SLC30A8: variants seen among roughly 807,000 people sequenced by gnomAD.
The protein encoded by SLC30A8 is proton-coupled zinc antiporter SLC30A8.
SLC30A8 carries 27 observed loss-of-function variants against 36.9 expected under a neutral mutation model. The ratio of observed to expected loss-of-function variants is 0.73; its 90% CI spans 0.54 to 1.01. SLC30A8 has a LOEUF of 1.01. Ranked by LOEUF, SLC30A8 falls within the 50% of genes least tolerant of loss-of-function variation. The probability of loss-of-function intolerance (pLI) is 0.00; values close to 1 mark genes in which losing one functional copy is unlikely to be tolerated. For missense variants in SLC30A8, 439 were observed against 452.0 expected (o/e 0.97, Z 0.26); for synonymous variants, 164 against 172.4 (o/e 0.95, Z 0.38).
At chr8:117,138,828 T>C (rs1309911241) in intron 1 of SLC30A8, among the ~76,000 whole-genome samples, 1 of 152,014 alleles carries the variant, frequency 6.6e-6, no homozygotes, top group Non-Finnish European at 1.5e-5. Flanking sequence ...CTGTCTCTTC[T>C]GCCAGCTCTG....
intron 2 of SLC30A8, among the ~76,000 whole-genome samples, chr8:117,077,978 A>G (rs1161135760): frequency 1.3e-5 from 2 of 152,216 alleles, no homozygotes; most frequent in Non-Finnish European, 2.9e-5. Flanking sequence ...GAAGTTGGAT[A>G]TTAAGGACTC....
chr8:117,142,286 G>T (rs1406509753), intron 1 of SLC30A8, among the ~76,000 whole-genome samples: 2 of 152,014 alleles, frequency 1.3e-5, no homozygotes, highest in Non-Finnish European at 2.9e-5. Flanking sequence ...TCACCACGTG[G>T]GTCAAAGCCA....
chr8:117,135,229 T>G lies in SLC30A8; in HGVS notation c.-99T>G. Reference sequence around the variant, plus strand: ...TTCTGGAGCCTTTTAATTTTTTCTTTAGAAAGTGTATAAATAATTGCAGTG... The same window carrying G: ...TTCTGGAGCCTTTTAATTTTTTCTTGAGAAAGTGTATAAATAATTGCAGTG... On this transcript the variant is annotated 5_prime_UTR_variant, in exon 1 of 8. Coordinates refer to ENST00000456015, the MANE Select transcript of SLC30A8 (RefSeq NM_173851.3). 1.4e-6 allele frequency: 1 copy of G among 720,262 alleles called. No individual in the cohort carries two copies. Among genetic ancestry groups the G allele is most frequent in the Non-Finnish European group, 2.2e-6 (1 of 461,436 alleles). The allele number at this position is 720,262 out of a possible 1,614,324, so 44.6% of individuals were successfully genotyped here.
At chr8:116,978,831 C>G (rs1344945210) in intron 1 of SLC30A8, among the ~76,000 whole-genome samples, 1 of 152,150 alleles carries the variant, frequency 6.6e-6, no homozygotes, top group Non-Finnish European at 1.5e-5. Flanking sequence ...TATATATATG[C>G]ATATGCTCAC....
At chr8:117,158,148 A>G (rs960143612) in intron 4 of SLC30A8, among the ~76,000 whole-genome samples, 1 of 152,206 alleles carries the variant, frequency 6.6e-6, no homozygotes, top group African/African-American at 2.4e-5. Flanking sequence ...AGATTAGGAA[A>G]CTAAAGCCCA....
chr8:117,003,859 C>T (rs1383182998), intron 1 of SLC30A8, among the ~76,000 whole-genome samples: 1 of 152,192 alleles, frequency 6.6e-6, no homozygotes, highest in Non-Finnish European at 1.5e-5. Context: ...AACATTTTGA[C>T]ATCTCTGTCT....
upstream of SLC30A8, among the ~76,000 whole-genome samples, chr8:117,130,677 T>C (rs1054350252): frequency 2.0e-5 from 3 of 152,124 alleles, no homozygotes; most frequent in South Asian, 4.1e-4. Context: ...TTTGTAATCC[T>C]CTCTTGCCTT....
chr8:117,050,991 A>C (rs1437311773), intron 2 of SLC30A8, among the ~76,000 whole-genome samples: 1 of 152,188 alleles, frequency 6.6e-6, no homozygotes, highest in African/African-American at 2.4e-5. Context: ...GTTTCTAATA[A>C]CCACTTGTGG....
At chr8:117,110,192 A>G (rs1820163450) in intron 2 of SLC30A8, among the ~76,000 whole-genome samples, 1 of 152,072 alleles carries the variant, frequency 6.6e-6, no homozygotes, top group Admixed American at 6.6e-5. Flanking sequence ...GGCCCCAGAG[A>G]GAGGTATTGA....
Position 117,087,500 on chromosome 8 carries a change from A to G in SLC30A8, c.-225-47780A>G, listed in dbSNP as rs184278996. Reference sequence around the variant, plus strand: ...TTCAAGCAATTCTAGCTAAGCCTGTATGATATCATACTACCTTTCAAGCTG... The same window carrying G: ...TTCAAGCAATTCTAGCTAAGCCTGTGTGATATCATACTACCTTTCAAGCTG... On this transcript the variant is annotated intron_variant, in intron 2 of 10. Coordinates refer to the SLC30A8 transcript ENST00000427715. Among the ~76,000 whole-genome samples the G allele has an allele frequency of 5.9e-5, 9 of 152,174 alleles. No individual in the cohort carries two copies. The East Asian group carries it at 1.2e-3, about 20-fold the overall frequency.
chr8:117,128,298 A>C (rs1028613426), intron 2 of SLC30A8, among the ~76,000 whole-genome samples: 2 of 152,104 alleles, frequency 1.3e-5, no homozygotes, highest in Admixed American at 1.3e-4. Context: ...TCCAGGAGGC[A>C]GAGGACTAGG....
rs576826130 is a variant in SLC30A8, at chr8:117,163,315, A to G, written c.724-110A>G. ...TGGATGACACATGTCAAAAGGGTAA[A>G]TGAGTGACAGAGAAGGAAAGACACA... On this transcript the variant is annotated intron_variant, in intron 5 of 7. Coordinates refer to ENST00000456015, the MANE Select transcript of SLC30A8 (RefSeq NM_173851.3). 9.9e-6 allele frequency: 8 copies of G among 804,242 alleles called. No homozygotes were observed. The Admixed American group carries it at 1.3e-4, about 13-fold the overall frequency. The allele number at this position is 804,242 out of a possible 1,614,324, so 49.8% of individuals were successfully genotyped here.
intron 2 of SLC30A8, among the ~76,000 whole-genome samples, chr8:117,150,155 T>G (rs1213888798): frequency 1.3e-5 from 2 of 152,228 alleles, no homozygotes; most frequent in African/African-American, 4.8e-5. Context: ...ACTTGTTAAG[T>G]AACAACTCAA....
chr8:117,094,244 C>T (rs926955509), intron 2 of SLC30A8, among the ~76,000 whole-genome samples: 1 of 152,218 alleles, frequency 6.6e-6, no homozygotes, highest in Non-Finnish European at 1.5e-5. Flanking sequence ...TTTAGCCCCA[C>T]CATTTGGCAG....
At chr8:117,129,761 T>A (rs1821055540) in intron 2 of SLC30A8, 1 of 152,068 alleles carries the variant, frequency 6.6e-6, no homozygotes, top group Admixed American at 6.6e-5. Flanking sequence ...CAGAGAATAA[T>A]CTTTGCTTTA....
chr8:117,048,638 C>G (rs1817620807), intron 2 of SLC30A8, among the ~76,000 whole-genome samples: 1 of 152,006 alleles, frequency 6.6e-6, no homozygotes, highest in Admixed American at 6.6e-5. Flanking sequence ...CTTTCTGTGT[C>G]TGGTTTAGTA....
At chr8:117,028,179 G>A (rs1462897534) in intron 1 of SLC30A8, among the ~76,000 whole-genome samples, 1 of 152,092 alleles carries the variant, frequency 6.6e-6, no homozygotes, top group Non-Finnish European at 1.5e-5. Flanking sequence ...TTTCCTTGGA[G>A]GCAAAGATTT....
intron 1 of SLC30A8, among the ~76,000 whole-genome samples, chr8:116,984,984 A>C (rs1321325036): frequency 6.6e-6 from 1 of 152,116 alleles, no homozygotes; most frequent in Non-Finnish European, 1.5e-5. Flanking sequence ...ATGTAAAAAT[A>C]AAATTACAAG....
At chr8:117,160,133 G>A (rs151105811) in intron 4 of SLC30A8, among the ~76,000 whole-genome samples, 31 of 152,300 alleles carry the variant, frequency 2.0e-4, no homozygotes, top group African/African-American at 7.2e-4. Context: ...TTGCGATTCA[G>A]GAATAAATCT....
Sources: allele counts gnomAD v4.1 joint callset (sites outside exome capture counted in the v4.1 genomes callset), GRCh38; gene constraint gnomAD v4.1.1; transcripts MANE v1.5; gene names NCBI Gene and HGNC (gene_info 2026-07-23, HGNC 2026-07-21).